WDR59: variants seen among roughly 807,000 people sequenced by gnomAD.
The protein encoded by WDR59 is GATOR2 complex protein WDR59.
A neutral mutation model predicts 131.2 loss-of-function variants in WDR59; 100 were observed. That is an observed-to-expected ratio of 0.76 (90% CI 0.65 to 0.90). The LOEUF (loss-of-function observed/expected upper bound fraction) is 0.90, where lower values mean the gene tolerates loss of function less well. Among genes scored for constraint, WDR59 ranks in the 40% least tolerant of loss-of-function variants. The pLI is 0.00. For missense variants in WDR59, 1,203 were observed against 1,262.2 expected (o/e 0.95, Z 0.71); for synonymous variants, 601 against 466.2 (o/e 1.29, Z -3.72).
chr16:74,925,543 CA>C (rs35515333), intron 8 of WDR59, among the ~76,000 whole-genome samples: 172 of 104,988 alleles, frequency 1.6e-3, no homozygotes, highest in African/African-American at 3.9e-3. Context: ...GACTCCATCT[CA>C]AAAAAAAAAA....
chr16:74,981,857 T>C (rs189510359), intron 1 of WDR59, among the ~76,000 whole-genome samples: 2 of 140,330 alleles, frequency 1.4e-5, no homozygotes, highest in Non-Finnish European at 3.1e-5. Flanking sequence ...GGTTTCACCA[T>C]GTTGGCCAGG....
intron 8 of WDR59, among the ~76,000 whole-genome samples, chr16:74,933,405 A>C (rs2145057665): frequency 6.6e-6 from 1 of 152,330 alleles, no homozygotes. Context: ...CTCAGTCTAC[A>C]CCTAGAGAGC....
rs527569525 is a variant in WDR59, at chr16:74,919,256, T to A, written c.887-1248A>T. On this transcript the variant is annotated intron_variant, in intron 10 of 25. Transcript: ENST00000262144. ...GGGTTACTTCATTCACTAAAACCGG[T>A]TCCTGCTGCCCCTGTTCATGCCACC... Among the ~76,000 whole-genome samples the A allele has an allele frequency of 5.9e-5, 9 of 152,030 alleles. No individual in the cohort carries two copies. In the East Asian group the frequency reaches 1.7e-3, roughly 29 times the overall value.
chr16:74,967,693 T>C (rs1286390828), intron 1 of WDR59, among the ~76,000 whole-genome samples: 1 of 151,908 alleles, frequency 6.6e-6, no homozygotes, highest in Non-Finnish European at 1.5e-5. Flanking sequence ...ACCTCATCTC[T>C]ACTAAAAATA....
chr16:74,906,133 T>C (rs1187972573), intron 17 of WDR59, among the ~76,000 whole-genome samples: 1 of 151,182 alleles, frequency 6.6e-6, no homozygotes, highest in African/African-American at 2.4e-5. Context: ...GCTAACACGG[T>C]GAAACATGGT....
intron 20 of WDR59, among the ~76,000 whole-genome samples, chr16:74,892,217 C>T (rs1219348736): frequency 6.6e-6 from 1 of 152,110 alleles, no homozygotes; most frequent in African/African-American, 2.4e-5. Flanking sequence ...TTTAGCTACA[C>T]AGCAATCACT....
intron 5 of WDR59, 22 bp from the exon 6 acceptor site, chr16:74,948,578 T>C (rs765175654): frequency 4.4e-6 from 7 of 1,604,420 alleles, no homozygotes; most frequent in Non-Finnish European, 1.7e-6. Flanking sequence ...AAATAAAAAA[T>C]CAAATCCCCA....
chr16:74,909,590 G>T lies in WDR59; in HGVS notation c.1553C>A (p.Thr518Lys). 4 of 1,610,268 alleles carry T rather than the reference G, an allele frequency of 2.5e-6. No homozygotes were observed. The highest frequency in any genetic ancestry group is 3.4e-6 in the Non-Finnish European group (4 of 1,178,548). ...GTAAGCCGTGGTCACCCGCGCAAAC[G>T]TCGGTAAGGGGGGAGTGACAGAGTT... Reference protein sequence around the residue: ...LPNSVTPPLPTFARVTTAYGS... With the variant: ...LPNSVTPPLPKFARVTTAYGS... The change falls in exon 16 of 26, where the codon ACG becomes AAG. Residue 518 changes from threonine (T) to lysine (K), a missense_variant. Thr to Lys is a moderately conservative substitution (Grantham distance 78). Transcript: ENST00000262144.
chr16:74,930,385 A>G (rs1037873931), intron 8 of WDR59, among the ~76,000 whole-genome samples: 4 of 152,298 alleles, frequency 2.6e-5, no homozygotes, highest in African/African-American at 7.2e-5. Context: ...AAAACAGAAC[A>G]AAACAAAAAA....
chr16:74,886,260 G>A lies in WDR59; in HGVS notation c.2546+10C>T, dbSNP rs150628223. On this transcript the variant is annotated intron_variant, in intron 24 of 25. Coordinates refer to ENST00000262144, the MANE Select transcript of WDR59 (RefSeq NM_030581.4). ...CTGGCATTGCAGCTCTCACCTGGGA[G>A]GGTGGTTACCTTTTATTTTTATCAT... 226 of 1,610,668 alleles carry A rather than the reference G, an allele frequency of 1.4e-4. 1 individual carries two copies. The African/African-American group carries it at 2.0e-3, about 14-fold the overall frequency.
Position 74,888,863 on chromosome 16 carries a change from T to C in WDR59, c.2196-544A>G, listed in dbSNP as rs115578400. Reference sequence around the variant, plus strand: ...ACAAGGAGTGTTTCTGTCCTTTAGGTACTCATATCCCCTTTGTCCTTTCAG... The same window carrying C: ...ACAAGGAGTGTTTCTGTCCTTTAGGCACTCATATCCCCTTTGTCCTTTCAG... On this transcript the variant is annotated intron_variant, in intron 21 of 25. Coordinates refer to ENST00000262144, the MANE Select transcript of WDR59 (RefSeq NM_030581.4). Among the ~76,000 whole-genome samples the C allele has an allele frequency of 8.7e-3, 1,326 of 152,348 alleles. 13 individuals carry two copies. Among genetic ancestry groups the C allele is most frequent in the African/African-American group, 0.03 (1,240 of 41,570 alleles).
chr16:74,886,031 A>T, intron 24 of WDR59: 1 of 660,452 alleles, frequency 1.5e-6, no homozygotes, highest in Non-Finnish European at 2.4e-6. Flanking sequence ...ACAAAAAATT[A>T]GCCAGTCATG....
rs1298835060 is a variant in WDR59, at chr16:74,874,422, G to T, written c.2712C>A (p.His904Gln). 7 of 1,614,058 alleles carry T rather than the reference G, an allele frequency of 4.3e-6. No homozygotes were observed. The East Asian group carries it at 1.6e-4, about 36-fold the overall frequency. Reference protein sequence around the residue: ...KGIEFGVYCSHCRSEVRGTQC... With the variant: ...KGIEFGVYCSQCRSEVRGTQC... Reference sequence around the variant, plus strand: ...GCGTGCCACGGACCTCACTCCGGCAGTGGCTGCAGTACACGCCGAACTCTG... The same window carrying T: ...GCGTGCCACGGACCTCACTCCGGCATTGGCTGCAGTACACGCCGAACTCTG... Residue 904 changes from histidine to glutamine, a missense_variant, in exon 26 of 26, where the codon CAC becomes CAA. His to Gln is a conservative substitution (Grantham distance 24, BLOSUM62 0). Transcript: ENST00000262144.
intron 1 of WDR59, 82 bp downstream of exon 1, chr16:74,984,882 C>T: frequency 6.4e-7 from 1 of 1,556,082 alleles, no homozygotes; most frequent in South Asian, 1.2e-5. Flanking sequence ...CCCCGTAGCC[C>T]CCCGGGACGG....
intron 4 of WDR59, chr16:74,950,057 C>T (rs1448648712): frequency 4.0e-6 from 2 of 496,366 alleles, no homozygotes; most frequent in South Asian, 1.6e-5. Context: ...CATTCTCTCT[C>T]TGGGCTGAGC....
chr16:74,968,954 G>A (rs149400433), intron 1 of WDR59, among the ~76,000 whole-genome samples: 6,597 of 152,262 alleles, frequency 0.043, 193 homozygotes, highest in Non-Finnish European at 0.054. Context: ...CTGAGCAGAG[G>A]AAGTGAAAAC....
At chr16:74,879,380 CAAAT>C (rs1346780929) in intron 25 of WDR59, among the ~76,000 whole-genome samples, 2 of 152,102 alleles carry the variant, frequency 1.3e-5, no homozygotes, top group Non-Finnish European at 2.9e-5. Context: ...ACAAGCCAAA[CAAAT>C]AAGCTGACAG....
chr16:74,974,736 A>C (rs1160114730), intron 1 of WDR59, among the ~76,000 whole-genome samples: 1 of 152,206 alleles, frequency 6.6e-6, no homozygotes, highest in Non-Finnish European at 1.5e-5. Context: ...GACGGTGCCT[A>C]CATGACCAGC....
Position 74,950,099 on chromosome 16 carries a change from TG to T in WDR59, c.327-302del, listed in dbSNP as rs375271875. ...GCTCACGACTGTAATCCCAGCACTT[TG>T]GGAGGCTGAGGCGGGCAGATCACTT... On this transcript the variant is annotated intron_variant, in intron 4 of 25. Coordinates refer to ENST00000262144, the MANE Select transcript of WDR59 (RefSeq NM_030581.4). Among the ~76,000 whole-genome samples, 22 of 152,276 alleles carry T rather than the reference TG, an allele frequency of 1.4e-4. No homozygotes were observed. In the East Asian group the frequency reaches 3.9e-3, roughly 27 times the overall value.
Sources: allele counts gnomAD v4.1 joint callset (sites outside exome capture counted in the v4.1 genomes callset), GRCh38; gene constraint gnomAD v4.1.1; transcripts MANE v1.5; gene names NCBI Gene and HGNC (gene_info 2026-07-23, HGNC 2026-07-21).